Variants in SLC5A12 observed in about 807,000 individuals in gnomAD.
SLC5A12 encodes the protein sodium-coupled monocarboxylate transporter 2.
A neutral mutation model predicts 72.7 loss-of-function variants in SLC5A12; 46 were observed. The ratio of observed to expected loss-of-function variants is 0.63; its 90% CI spans 0.50 to 0.81. The LOEUF is 0.81. Among genes scored for constraint, SLC5A12 ranks in the 30% least tolerant of loss-of-function variants. SLC5A12 has a pLI of 0.00. For missense variants in SLC5A12, 683 were observed against 740.7 expected, an observed-to-expected ratio of 0.92 and a Z score of 0.90; for synonymous variants, 275 against 264.4, an observed-to-expected ratio of 1.04 and a Z score of -0.39.
chr11:26,703,958 G>A lies in SLC5A12; in HGVS notation c.526-11C>T. 6.2e-7 allele frequency: 1 copy of A among 1,613,124 alleles called. No homozygotes were observed. ...TGCTTTTAATCCTCCCTGAAATAGA[G>A]AGAATGTTTGAGTCCTTGAAAACAA... On this transcript the variant is annotated splice_polypyrimidine_tract_variant and intron_variant, in intron 4 of 14. Coordinates refer to ENST00000396005, the MANE Select transcript of SLC5A12 (RefSeq NM_178498.4).
intron 6 of SLC5A12, among the ~76,000 whole-genome samples, chr11:26,701,736 C>A (rs941657444): frequency 1.3e-5 from 2 of 152,012 alleles, no homozygotes; most frequent in African/African-American, 4.8e-5. Flanking sequence ...GTTTCATTTA[C>A]ATATATATTA....
At chr11:26,714,621 C>T (rs1269462558) in intron 1 of SLC5A12, among the ~76,000 whole-genome samples, 1 of 152,092 alleles carries the variant, frequency 6.6e-6, no homozygotes, top group African/African-American at 2.4e-5. Context: ...GATTAAATTT[C>T]TTGCTAGTAG....
At chr11:26,700,328 C>A (rs1273892488) in intron 6 of SLC5A12, among the ~76,000 whole-genome samples, 2 of 152,054 alleles carry the variant, frequency 1.3e-5, no homozygotes, top group African/African-American at 4.8e-5. Flanking sequence ...GGGTTCTATA[C>A]AGGGCTAATT....
intron 8 of SLC5A12, among the ~76,000 whole-genome samples, chr11:26,693,063 T>C (rs2133172945): frequency 6.6e-6 from 1 of 152,324 alleles, no homozygotes; most frequent in East Asian, 1.9e-4. Context: ...CATACAATGG[T>C]GAACCAGAAA....
chr11:26,712,169 G>C (rs7924565), intron 2 of SLC5A12, among the ~76,000 whole-genome samples: 7,614 of 152,096 alleles, frequency 0.05, 634 homozygotes, highest in African/African-American at 0.17. Flanking sequence ...CCAAAGCTGG[G>C]GGGGTGGGAA....
Position 26,703,674 on chromosome 11 carries a change from A to T in SLC5A12, c.681-3T>A, listed in dbSNP as rs746959836. The T allele has an allele frequency of 1.2e-6, 2 of 1,613,762 alleles. No homozygotes were observed. On this transcript the variant is annotated splice_polypyrimidine_tract_variant and splice_region_variant and intron_variant, in intron 5 of 14. Coordinates refer to ENST00000396005, the MANE Select transcript of SLC5A12 (RefSeq NM_178498.4). ...GCCTGAGAGGATCTACATCAAAGCT[A>T]TGAGACAGAGAGAAATGAGTGAACA...
At position 26,721,592 on chromosome 11, in the gene SLC5A12, G is replaced by C; in HGVS notation, c.123C>G (p.Phe41Leu). ...AGCTCATTTGCCTTCCCCCAACCAGGAACTCTCGGGAAGTTGCCTTTTTTC... is the reference window on the plus strand; with the variant it reads ...AGCTCATTTGCCTTCCCCCAACCAGCAACTCTCGGGAAGTTGCCTTTTTTC... ...KERKKATSRE[F>L]LVGGRQMSFG... The change falls in exon 1 of 15, where the codon TTC becomes TTG. Residue 41 changes from phenylalanine (F) to leucine (L), a missense_variant. By Grantham distance (22) the Phe-to-Leu change is conservative. Coordinates refer to ENST00000396005, the MANE Select transcript of SLC5A12 (RefSeq NM_178498.4). 6.2e-7 allele frequency: 1 copy of C among 1,614,120 alleles called. No homozygotes were observed. Among genetic ancestry groups the C allele is most frequent in the Non-Finnish European group, 8.5e-7 (1 of 1,180,024 alleles).
At chr11:26,679,058 TTAATACAAA>T (rs1403101564) in intron 12 of SLC5A12, among the ~76,000 whole-genome samples, 2 of 152,208 alleles carry the variant, frequency 1.3e-5, no homozygotes, top group Non-Finnish European at 2.9e-5. Context: ...GGATTGTGTC[TTAATACAAA>T]TAATACAATT....
At chr11:26,701,819 T>A (rs975062842) in intron 6 of SLC5A12, among the ~76,000 whole-genome samples, 26 of 152,160 alleles carry the variant, frequency 1.7e-4, no homozygotes, top group African/African-American at 6.0e-4. Flanking sequence ...TGTGTGTCCC[T>A]GTGTATATAC....
At chr11:26,678,929 C>G (rs1419790069) in intron 12 of SLC5A12, 114 bp from the exon 13 acceptor site, 1 of 551,490 alleles carries the variant, frequency 1.8e-6, no homozygotes, top group Non-Finnish European at 3.1e-6. Context: ...TAAATCATAA[C>G]TTTTTGTCAT....
chr11:26,692,995 A>T (rs1442421337), intron 8 of SLC5A12, among the ~76,000 whole-genome samples: 1 of 152,130 alleles, frequency 6.6e-6, no homozygotes, highest in Non-Finnish European at 1.5e-5. Context: ...AGAGCCTGCC[A>T]CTCATTAATT....
chr11:26,679,360 G>C (rs906835557), intron 12 of SLC5A12, among the ~76,000 whole-genome samples: 6 of 152,096 alleles, frequency 3.9e-5, no homozygotes, highest in Non-Finnish European at 4.4e-5. Context: ...GTCAGGGCCA[G>C]GAATTAGCAT....
In SLC5A12 at chr11:26,721,477, A is replaced by T. The variant is rs1248399680; in HGVS notation, c.238T>A (p.Ser80Thr). The change falls in exon 1 of 15, where the codon TCC becomes ACC. Residue 80 changes from serine (S) to threonine (T), a missense_variant. Coordinates refer to ENST00000396005, the MANE Select transcript of SLC5A12 (RefSeq NM_178498.4). ...TPSEVYRFGA[S>T]FLVFFIAYLF... is the part of the protein sequence containing the mutation. ...TAAGCAATGAAGAAGACTAGGAAGG[A>T]TGCCCCAAAGCGGTAGACTTCAGAA... The T allele has an allele frequency of 6.2e-7, 1 of 1,614,172 alleles. No homozygotes were observed. Among genetic ancestry groups the T allele is most frequent in the East Asian group, 2.2e-5 (1 of 44,856 alleles).
chr11:26,678,849 C>A, intron 12 of SLC5A12, 34 bp from the exon 13 acceptor site: 2 of 1,446,828 alleles, frequency 1.4e-6, no homozygotes, highest in South Asian at 1.2e-5. Context: ...CAATTCCATG[C>A]ATCCTAAAGA....
chr11:26,683,680 A>G (rs1854459151), intron 11 of SLC5A12, 77 bp downstream of exon 11: 8 of 1,195,292 alleles, frequency 6.7e-6, no homozygotes, highest in Non-Finnish European at 9.7e-6. Flanking sequence ...GCTTTTCTAA[A>G]CAGGGCTGAG....
intron 12 of SLC5A12, among the ~76,000 whole-genome samples, chr11:26,679,062 T>C (rs1400189266): frequency 3.3e-5 from 5 of 152,200 alleles, no homozygotes; most frequent in Non-Finnish European, 7.3e-5. Flanking sequence ...TGTGTCTTAA[T>C]ACAAATAATA....
At chr11:26,673,080 G>T (rs139212908) in intron 14 of SLC5A12, among the ~76,000 whole-genome samples, 2,060 of 152,234 alleles carry the variant, frequency 0.014, 20 homozygotes, top group Middle Eastern at 0.034. Context: ...TATTATAGGA[G>T]AATGTGTCTT....
At position 26,673,542 on chromosome 11, in the gene SLC5A12, G is replaced by T; in HGVS notation, c.1580-13C>A. The T allele has an allele frequency of 6.3e-7, 1 of 1,593,932 alleles. No homozygotes were observed. The highest frequency in any genetic ancestry group is 1.2e-5 in the South Asian group (1 of 86,896). ...CCTCTTTGGCGACCTATTAACAAAA[G>T]AACAAATAGATTAGATGGTTGCAGG... On this transcript the variant is annotated splice_polypyrimidine_tract_variant and intron_variant, in intron 13 of 14. Transcript: ENST00000396005.
chr11:26,700,184 A>G (rs576306041), intron 6 of SLC5A12, among the ~76,000 whole-genome samples: 1 of 152,200 alleles, frequency 6.6e-6, no homozygotes, highest in South Asian at 2.1e-4. Flanking sequence ...TTATATAGCC[A>G]TACAGAGGAC....
Sources: allele counts gnomAD v4.1 joint callset (sites outside exome capture counted in the v4.1 genomes callset), GRCh38; gene constraint gnomAD v4.1.1; transcripts MANE v1.5; gene names NCBI Gene and HGNC (gene_info 2026-07-23, HGNC 2026-07-21).